GOLGA1: variants seen among roughly 807,000 people sequenced by gnomAD.
GOLGA1 encodes golgin subfamily A member 1.
A neutral mutation model predicts 119.7 loss-of-function variants in GOLGA1; 63 were observed. That is an observed-to-expected ratio of 0.53 (90% CI 0.43 to 0.65). The LOEUF is 0.65. GOLGA1 is among the 30% of genes least tolerant of loss of function. The probability of loss-of-function intolerance (pLI) is 0.00; values close to 1 mark genes in which losing one functional copy is unlikely to be tolerated. For missense variants in GOLGA1, 798 were observed against 912.8 expected, an observed-to-expected ratio of 0.87 and a Z score of 1.62; for synonymous variants, 318 against 333.4, an observed-to-expected ratio of 0.95 and a Z score of 0.50.
At chr9:124,931,877 C>T (rs1392844826) in intron 3 of GOLGA1, among the ~76,000 whole-genome samples, 1 of 152,176 alleles carries the variant, frequency 6.6e-6, no homozygotes, top group African/African-American at 2.4e-5. Flanking sequence ...CTCTAACTTG[C>T]ATCATAGACT....
At chr9:124,903,964 G>A (rs1447071638) in intron 12 of GOLGA1, among the ~76,000 whole-genome samples, 1 of 151,978 alleles carries the variant, frequency 6.6e-6, no homozygotes, top group Non-Finnish European at 1.5e-5. Context: ...TCGGGAGGCT[G>A]AGGTAGGGGA....
Position 124,878,675 on chromosome 9 carries a change from G to A in GOLGA1, c.*1855C>T, listed in dbSNP as rs1564315902. 6.6e-6 allele frequency: 1 copy of A among 152,140 alleles called. No individual in the cohort carries two copies. The highest frequency in any genetic ancestry group is 2.4e-5 in the African/African-American group (1 of 41,378). 9.4% of individuals were successfully genotyped at this position (152,140 alleles called of 1,614,324 possible). ...TACAGACCTAGGAACGGGCCCCACA[G>A]CTACACCTGAAACTGCCGAGGAGTG... is the stretch of plus-strand genomic sequence containing the variant. On this transcript the variant is annotated 3_prime_UTR_variant, in exon 23 of 23. Transcript: ENST00000373555.
chr9:124,925,494 T>C (rs1420184009), intron 7 of GOLGA1, among the ~76,000 whole-genome samples: 1 of 151,976 alleles, frequency 6.6e-6, no homozygotes, highest in African/African-American at 2.4e-5. Flanking sequence ...GGCAGGAGGA[T>C]CACTTTGGTC....
In GOLGA1 at chr9:124,880,486, GA is replaced by G; in HGVS notation, c.*43del. The G allele has an allele frequency of 9.2e-7, 1 of 1,087,392 alleles. No individual in the cohort carries two copies. The highest frequency in any genetic ancestry group is 1.4e-6 in the Non-Finnish European group (1 of 699,710). 67.4% of individuals were successfully genotyped at this position (1,087,392 alleles called of 1,614,324 possible). On this transcript the variant is annotated 3_prime_UTR_variant, in exon 23 of 23. Coordinates refer to ENST00000373555, the MANE Select transcript of GOLGA1 (RefSeq NM_002077.4). ...CTGGTGTGTCAGTGTTCTTTTCACA[GA>G]AAAAGTGTCAACCCACGGAGCTCCA...
Position 124,889,429 on chromosome 9 carries a change from C to T in GOLGA1, c.1600+5G>A. On this transcript the variant is annotated splice_donor_5th_base_variant and intron_variant, in intron 17 of 22. Transcript: ENST00000373555. ...AGAAGGCTCAGCCAGGGACCGACTC[C>T]TCACCTCGCTCCAGCTGGAGAATCT... 6.2e-7 allele frequency: 1 copy of T among 1,607,058 alleles called. No individual in the cohort carries two copies. Among genetic ancestry groups the T allele is most frequent in the Non-Finnish European group, 8.5e-7 (1 of 1,173,378 alleles).
In GOLGA1 at chr9:124,888,428, G is replaced by A. The variant is rs1829776068; in HGVS notation, c.1762-32C>T. On this transcript the variant is annotated intron_variant, in intron 18 of 22. Coordinates refer to ENST00000373555, the MANE Select transcript of GOLGA1 (RefSeq NM_002077.4). This position sits in a 1 kb window ranked among gnomAD's most constrained non-coding sequence, Gnocchi z 4.4. ...GGTGGCAGCAGCAAATTGAGAGCCA[G>A]GACAGGTCAGGTGAAGCTGAGCCAC... 6.2e-7 allele frequency: 1 copy of A among 1,609,556 alleles called. No homozygotes were observed. Among genetic ancestry groups the A allele is most frequent in the Admixed American group, 1.7e-5 (1 of 59,996 alleles).
rs1830579203 is a variant in GOLGA1 at position 124,921,970 on chromosome 9, G to A, written c.562-78C>T. 3 of 1,243,616 alleles carry A rather than the reference G, an allele frequency of 2.4e-6. No homozygotes were observed. In the South Asian group the frequency reaches 3.7e-5, roughly 15 times the overall value. 77.0% of individuals were successfully genotyped at this position (1,243,616 alleles called of 1,614,324 possible). A position where few individuals can be genotyped will look rare whatever the true frequency, so the allele number is the denominator to read the frequency against. The stretch of plus-strand genomic sequence containing the variant: ...AGATCAGGCATGCTGGCTCACGCCT[G>A]TAATCCCAACACTTTGGGAGGCTGA... On this transcript the variant is annotated intron_variant, in intron 8 of 22. Coordinates refer to ENST00000373555, the MANE Select transcript of GOLGA1 (RefSeq NM_002077.4).
At position 124,921,217 on chromosome 9, in the gene GOLGA1, GTT is replaced by G; in HGVS notation, c.753_754del (p.Lys251AsnfsTer6). 5.6e-6 allele frequency: 9 copies of G among 1,610,458 alleles called. No homozygotes were observed. The highest frequency in any genetic ancestry group is 7.6e-6 in the Non-Finnish European group (9 of 1,176,766). On this transcript the variant is annotated frameshift_variant, in exon 10 of 23. Coordinates refer to ENST00000373555, the MANE Select transcript of GOLGA1 (RefSeq NM_002077.4). LOFTEE classifies it high-confidence loss of function. The stretch of plus-strand genomic sequence containing the variant: ...GGCTGTGATCTTACTTTCTGCACCT[GTT>G]TTTGAAGCTATCACATGATCTCTTC...
rs781619832 is a variant in GOLGA1 at position 124,923,151 on chromosome 9, C to T, written c.505G>A (p.Glu169Lys). 2.5e-6 allele frequency: 4 copies of T among 1,604,860 alleles called. No individual in the cohort carries two copies. In the Admixed American group the frequency reaches 6.7e-5, roughly 27 times the overall value. Residue 169 changes from glutamate to lysine, a missense_variant, in exon 8 of 23, where the codon GAA (glutamate) becomes AAA (lysine). Glu to Lys is a moderately conservative substitution (Grantham distance 56). Coordinates refer to ENST00000373555, the MANE Select transcript of GOLGA1 (RefSeq NM_002077.4). Reference protein sequence around the residue: ...QSMNLFQRRDEMDELEGFQQQ... With the variant: ...QSMNLFQRRDKMDELEGFQQQ... ...TGGAACCCCTCTAATTCATCCATTT[C>T]ATCTCTCCTTTGGAAAAGATTCATA...
At chr9:124,913,897 C>T (rs1314104329) in intron 10 of GOLGA1, among the ~76,000 whole-genome samples, 1 of 152,218 alleles carries the variant, frequency 6.6e-6, no homozygotes, top group Non-Finnish European at 1.5e-5. Flanking sequence ...AACAATCATT[C>T]TGCATAAAGG....
chr9:124,883,871 C>T (rs556666270), intron 19 of GOLGA1, among the ~76,000 whole-genome samples: 107 of 152,176 alleles, frequency 7.0e-4, no homozygotes, highest in Admixed American at 9.8e-4. Flanking sequence ...TACAGCTGTG[C>T]GCCACCACGC....
rs753011394 is a variant in GOLGA1, at chr9:124,890,360, A to G, written c.1497+29T>C. The G allele has an allele frequency of 6.2e-6, 9 of 1,455,688 alleles. No individual in the cohort carries two copies. In the East Asian group the frequency reaches 1.1e-4, roughly 18 times the overall value. 90.2% of individuals were successfully genotyped at this position (1,455,688 alleles called of 1,614,324 possible). A position where few individuals can be genotyped will look rare whatever the true frequency, so the allele number is the denominator to read the frequency against. ...GCTGCCTGTGGGACTGCAGGGGGAC[A>G]TCGCCCCTCAGCGTGAAACAGGGCC... On this transcript the variant is annotated intron_variant, in intron 16 of 22. Coordinates refer to ENST00000373555, the MANE Select transcript of GOLGA1 (RefSeq NM_002077.4).
Position 124,941,058 on chromosome 9 carries a change from G to C in GOLGA1, c.-293C>G, listed in dbSNP as rs1163686165. ...CGTCACCAACCCCCACCGCCCAGCC[G>C]GCGAGCCGAGCAGCGACCCGGAACC... On this transcript the variant is annotated 5_prime_UTR_variant, in exon 1 of 23. Coordinates refer to ENST00000373555, the MANE Select transcript of GOLGA1 (RefSeq NM_002077.4). 6.6e-6 allele frequency: 1 copy of C among 152,296 alleles called. No homozygotes were observed. The highest frequency in any genetic ancestry group is 1.9e-4 in the East Asian group (1 of 5,196). 9.4% of individuals were successfully genotyped at this position (152,296 alleles called of 1,614,324 possible).
Position 124,904,093 on chromosome 9 carries a change from T to TA in GOLGA1, c.1066-3547dup, listed in dbSNP as rs11360307. On this transcript the variant is annotated intron_variant, in intron 12 of 22. Coordinates refer to ENST00000373555, the MANE Select transcript of GOLGA1 (RefSeq NM_002077.4). ...ATTCTAAAAAAAAAAAAAATTCTGT[T>TA]AAAAAAAAAAAAGGAATGAAAGTCT... Among the ~76,000 whole-genome samples the TA allele has an allele frequency of 8.0e-3, 1,146 of 142,654 alleles. 2 individuals are homozygous for TA. The highest frequency in any genetic ancestry group is 0.012 in the Admixed American group (169 of 14,196). The allele number at this position is 142,654 out of a possible 152,430, so 93.6% of individuals were successfully genotyped here.
At chr9:124,890,366 C>T (rs1423481645) in intron 16 of GOLGA1, 23 bp downstream of exon 16, 4 of 1,514,402 alleles carry the variant, frequency 2.6e-6, no homozygotes, top group Non-Finnish European at 3.7e-6. Context: ...GGACATCGCC[C>T]CTCAGCGTGA....
chr9:124,901,463 C>G (rs1448004139), intron 12 of GOLGA1, among the ~76,000 whole-genome samples: 1 of 142,740 alleles, frequency 7.0e-6, no homozygotes, highest in Non-Finnish European at 1.5e-5. Flanking sequence ...GAGATGGAGT[C>G]TCACTCTGTT....
In GOLGA1 at chr9:124,882,790, C is replaced by T. The variant is rs111806978; in HGVS notation, c.1906-221G>A. ...CTGCTTTCACACGCTTGAGTCTCCACGTCCCACAGGGGCCACAGTCCCTCT... is the reference window on the plus strand; with the variant it reads ...CTGCTTTCACACGCTTGAGTCTCCATGTCCCACAGGGGCCACAGTCCCTCT... On this transcript the variant is annotated intron_variant, in intron 19 of 22. Transcript: ENST00000373555. 8.8e-3 allele frequency among the ~76,000 whole-genome samples: 1,334 copies of T among 152,252 alleles called. 17 individuals carry two copies. Among genetic ancestry groups the T allele is most frequent in the Non-Finnish European group, 0.012 (809 of 68,020 alleles).
chr9:124,918,267 G>A (rs1006173175), intron 10 of GOLGA1, among the ~76,000 whole-genome samples: 2 of 152,068 alleles, frequency 1.3e-5, no homozygotes, highest in African/African-American at 2.4e-5. Context: ...TTCCCTTCTA[G>A]ACTATAAGCA....
Position 124,938,608 on chromosome 9 carries a change from G to A in GOLGA1, c.104C>T (p.Ala35Val). 6.2e-7 allele frequency: 1 copy of A among 1,613,396 alleles called. No homozygotes were observed. Among genetic ancestry groups the A allele is most frequent in the Non-Finnish European group, 8.5e-7 (1 of 1,179,466 alleles). ...IPRSVSKESV[A>V]SMGADSGDDF... ...ATCTCCTGAGTCAGCTCCCATTGAG[G>A]CAACTGATTCCTTGCTCACAGACCG... The change falls in exon 3 of 23, where the codon GCC becomes GTC. Residue 35 changes from alanine (A) to valine (V), a missense_variant. Coordinates refer to ENST00000373555, the MANE Select transcript of GOLGA1 (RefSeq NM_002077.4).
Sources: allele counts gnomAD v4.1 joint callset (sites outside exome capture counted in the v4.1 genomes callset), GRCh38; gene constraint gnomAD v4.1.1; non-coding constraint Gnocchi (gnomAD v3.1); transcripts MANE v1.5; gene names NCBI Gene and HGNC (gene_info 2026-07-23, HGNC 2026-07-21).